CERK: variants seen among roughly 807,000 people sequenced by gnomAD.
CERK encodes ceramide kinase.
Under a neutral mutation model 63.4 loss-of-function variants are expected in CERK, and 39 were observed. The observed-to-expected ratio is 0.61, with a 90% confidence interval of 0.48 to 0.80. CERK has a LOEUF of 0.80. CERK is among the 30% of genes least tolerant of loss of function. The pLI, the probability that CERK is intolerant of heterozygous loss-of-function variation, is 0.00. For missense variants in CERK, 670 were observed against 714.1 expected (o/e 0.94, Z 0.70); for synonymous variants, 302 against 280.0 (o/e 1.08, Z -0.78).
chr22:46,730,745 G>T (rs2082941322), intron 1 of CERK, among the ~76,000 whole-genome samples: 1 of 152,220 alleles, frequency 6.6e-6, no homozygotes, highest in African/African-American at 2.4e-5. Flanking sequence ...GACAGGCAGA[G>T]AAAAGGCAGC....
chr22:46,721,437 C>T (rs2082892202), intron 1 of CERK, among the ~76,000 whole-genome samples: 1 of 151,880 alleles, frequency 6.6e-6, no homozygotes, highest in Admixed American at 6.6e-5. Context: ...TTTTAATACC[C>T]CCTCCCCCAA....
intron 1 of CERK, among the ~76,000 whole-genome samples, chr22:46,723,291 T>C (rs1199035718): frequency 2.0e-5 from 3 of 152,184 alleles, no homozygotes; most frequent in Admixed American, 6.5e-5. Context: ...CAAAATTCAA[T>C]ATTGTCTGCA....
At chr22:46,708,904 G>C (rs1344923165) in intron 5 of CERK, among the ~76,000 whole-genome samples, 2 of 152,130 alleles carry the variant, frequency 1.3e-5, no homozygotes, top group East Asian at 1.9e-4. Context: ...CAGCCTGAGG[G>C]GCCTCCCTCA....
chr22:46,715,911 T>C (rs113173523), intron 3 of CERK, among the ~76,000 whole-genome samples: 4,711 of 151,862 alleles, frequency 0.031, 251 homozygotes, highest in African/African-American at 0.11. Flanking sequence ...ATAGGCCGAG[T>C]ATAGTAGCTC....
rs1569319682 is a variant in CERK, at chr22:46,695,227, C to G, written c.1032G>C (p.Arg344Ser). Residue 344 changes from arginine (R) to serine (S), a missense_variant, in exon 9 of 13, where the codon AGG (arginine) becomes AGC (serine). Physicochemically the swap from Arg to Ser is moderately radical, Grantham distance 110 (BLOSUM62 -1). Coordinates refer to ENST00000216264, the MANE Select transcript of CERK (RefSeq NM_022766.6). The part of the protein sequence containing the change: ...AQHTVGSPRD[R>S]KPCRAGCFVC... ...GCACTTACCCTGCCCGGCAGGGCTT[C>G]CTATCCCTTGGAGATCCCACCGTGT... 1.9e-6 allele frequency: 3 copies of G among 1,593,794 alleles called. No individual in the cohort carries two copies. Among genetic ancestry groups the G allele is most frequent in the Non-Finnish European group, 2.6e-6 (3 of 1,162,598 alleles).
At chr22:46,716,709 C>A (rs1363237720) in intron 3 of CERK, among the ~76,000 whole-genome samples, 4 of 151,642 alleles carry the variant, frequency 2.6e-5, no homozygotes, top group Non-Finnish European at 5.9e-5. Context: ...GAGGCTGAGG[C>A]AGGTAGATCA....
At chr22:46,699,133 G>C (rs2082770638) in intron 8 of CERK, among the ~76,000 whole-genome samples, 180 bp downstream of exon 8, 1 of 151,998 alleles carries the variant, frequency 6.6e-6, no homozygotes. Flanking sequence ...AGCAATCCAG[G>C]TTCCAGTCCA....
At chr22:46,708,867 G>A (rs2082826691) in intron 5 of CERK, among the ~76,000 whole-genome samples, 1 of 152,124 alleles carries the variant, frequency 6.6e-6, no homozygotes, top group Admixed American at 6.5e-5. Context: ...CGCCGGTAGA[G>A]GAGCGGTGTG....
intron 1 of CERK, among the ~76,000 whole-genome samples, chr22:46,726,839 G>A (rs1252662446): frequency 1.3e-5 from 2 of 152,048 alleles, no homozygotes; most frequent in Non-Finnish European, 1.5e-5. Context: ...TGGAAGGTGG[G>A]GGAAGCCAGA....
intron 12 of CERK, among the ~76,000 whole-genome samples, chr22:46,689,156 C>A (rs374296389): frequency 1.3e-5 from 2 of 152,236 alleles, no homozygotes; most frequent in South Asian, 2.1e-4. Context: ...TGCCTCCCCG[C>A]GTCCCCTAGG....
At chr22:46,737,695 G>C (rs1371355769) in intron 1 of CERK, among the ~76,000 whole-genome samples, 2 of 152,184 alleles carry the variant, frequency 1.3e-5, no homozygotes, top group Non-Finnish European at 2.9e-5. Context: ...GGTGCCCTGC[G>C]GACAGACCGC....
intron 1 of CERK, among the ~76,000 whole-genome samples, chr22:46,735,761 C>G (rs1390177992): frequency 6.6e-6 from 1 of 152,172 alleles, no homozygotes; most frequent in African/African-American, 2.4e-5. Flanking sequence ...CCTTGCTGAC[C>G]AAATTAAATG....
At chr22:46,699,256 T>G in intron 8 of CERK, 57 bp downstream of exon 8, 1 of 1,570,256 alleles carries the variant, frequency 6.4e-7, no homozygotes, top group African/African-American at 1.3e-5. Flanking sequence ...AGGTAACATC[T>G]GTGAAGGCAG....
At chr22:46,696,055 C>T (rs2082754474) in intron 8 of CERK, among the ~76,000 whole-genome samples, 1 of 152,172 alleles carries the variant, frequency 6.6e-6, no homozygotes, top group African/African-American at 2.4e-5. Flanking sequence ...GCAGTGACGG[C>T]CTGCAGGGCC....
chr22:46,693,729 A>C, intron 9 of CERK: 1 of 478,656 alleles, frequency 2.1e-6, no homozygotes, highest in Non-Finnish European at 3.8e-6. Context: ...ACATGAGGAG[A>C]AGCACAGCAT....
chr22:46,710,440 A>G (rs1156715709), intron 5 of CERK, among the ~76,000 whole-genome samples: 1 of 152,186 alleles, frequency 6.6e-6, no homozygotes. Context: ...AAACGAAAAA[A>G]AAAAAAAAGA....
intron 9 of CERK, among the ~76,000 whole-genome samples, chr22:46,694,999 A>T (rs1336856996): frequency 5.9e-5 from 9 of 152,210 alleles, no homozygotes; most frequent in Admixed American, 5.9e-4. Flanking sequence ...GCACAGCAGC[A>T]GCTGCCTGCG....
chr22:46,725,463 C>T (rs184294376), intron 1 of CERK, among the ~76,000 whole-genome samples: 35 of 152,208 alleles, frequency 2.3e-4, no homozygotes, highest in Middle Eastern at 6.8e-3. Flanking sequence ...CTCAAATTGC[C>T]GGCACCAAGC....
chr22:46,702,295 ATT>A lies in CERK; in HGVS notation c.716-587_716-586del, dbSNP rs35697750. On this transcript the variant is annotated intron_variant, in intron 6 of 12. Transcript: ENST00000216264. The stretch of plus-strand genomic sequence containing the variant: ...CATTTACAATTATAGGCATAACAAA[ATT>A]TTTTTTTTTTTTTCCGAGACGGAGT... 4.4e-3 allele frequency among the ~76,000 whole-genome samples: 560 copies of A among 126,218 alleles called. 9 individuals are homozygous for A. Among genetic ancestry groups the A allele is most frequent in the African/African-American group, 0.014 (443 of 32,702 alleles). 82.8% of individuals were successfully genotyped at this position (126,218 alleles called of 152,430 possible). A position where few individuals can be genotyped will look rare whatever the true frequency, so the allele number is the denominator to read the frequency against.
Sources: gnomAD v4.1 joint callset for allele counts (sites outside exome capture counted in the v4.1 genomes callset) on GRCh38, gnomAD v4.1.1 for gene constraint, MANE v1.5 for transcripts, NCBI Gene and HGNC (gene_info 2026-07-23, HGNC 2026-07-21) for gene names.